Variants in EXT1 observed in about 807,000 individuals in gnomAD.
EXT1 encodes exostosin-1.
EXT1 carries 20 observed loss-of-function variants against 82.5 expected under a neutral mutation model. That is an observed-to-expected ratio of 0.24 (90% CI 0.17 to 0.35). The LOEUF (loss-of-function observed/expected upper bound fraction) is 0.35. Ranked by LOEUF, EXT1 falls within the 10% of genes least tolerant of loss-of-function variation. EXT1 has a pLI of 1.00. For missense variants in EXT1, 757 were observed against 936.5 expected (o/e 0.81, Z 2.50); for synonymous variants, 348 against 350.8 (o/e 0.99, Z 0.09).
At chr8:117,873,452 T>G (rs1263796611) in intron 1 of EXT1, among the ~76,000 whole-genome samples, 11 of 144,178 alleles carry the variant, frequency 7.6e-5, no homozygotes, top group African/African-American at 2.3e-4. Flanking sequence ...TGTGACTTTT[T>G]TTTTTTTTTT....
At chr8:117,923,920 G>A (rs186371870) in intron 1 of EXT1, among the ~76,000 whole-genome samples, 51 of 152,272 alleles carry the variant, frequency 3.3e-4, no homozygotes, top group Admixed American at 2.9e-3. Context: ...GGTCTAGTAA[G>A]AGTGAGAAGG....
intron 1 of EXT1, among the ~76,000 whole-genome samples, chr8:117,851,637 A>ACACACACG (rs1812457249): frequency 6.6e-6 from 1 of 151,870 alleles, no homozygotes; most frequent in Admixed American, 6.6e-5. Flanking sequence ...ACACACACAC[A>ACACACACG]CACACACACA....
intron 1 of EXT1, among the ~76,000 whole-genome samples, chr8:118,002,447 A>C (rs1284043276): frequency 6.7e-6 from 1 of 150,300 alleles, no homozygotes; most frequent in Non-Finnish European, 1.5e-5. Flanking sequence ...AACAAGCCCA[A>C]GCCATTAAGA....
intron 1 of EXT1, among the ~76,000 whole-genome samples, chr8:118,108,585 G>A (rs1288627709): frequency 6.6e-6 from 1 of 152,184 alleles, no homozygotes; most frequent in African/African-American, 2.4e-5. Flanking sequence ...AGGAAAATAT[G>A]GATTCATAAT....
chr8:117,807,291 C>T lies in EXT1; in HGVS notation c.1809G>A (p.Lys603=). ...PARSHFWDNS[K]ERWGYTSKWT... is the part of the protein sequence containing the mutation. ...ACTTTGATGTGTATCCCCACCGCTCCTTAGAGTTATCCCAGAAGTGGCTGC... is the reference window on the plus strand; with the variant it reads ...ACTTTGATGTGTATCCCCACCGCTCTTTAGAGTTATCCCAGAAGTGGCTGC... The change falls in exon 9 of 11, where the codon AAG becomes AAA. Residue 603 remains lysine, a synonymous_variant. Coordinates refer to ENST00000378204, the MANE Select transcript of EXT1 (RefSeq NM_000127.3). 1.9e-6 allele frequency: 3 copies of T among 1,614,190 alleles called. No individual in the cohort carries two copies. The highest frequency in any genetic ancestry group is 1.6e-4 in the Middle Eastern group (1 of 6,062).
At chr8:117,813,905 C>T (rs934389677) in intron 7 of EXT1, among the ~76,000 whole-genome samples, 4 of 151,832 alleles carry the variant, frequency 2.6e-5, no homozygotes, top group Admixed American at 2.0e-4. Context: ...ACTTGGGAGG[C>T]TGAGGCAGGA....
chr8:117,919,056 T>A (rs1334436213), intron 1 of EXT1, among the ~76,000 whole-genome samples: 1 of 152,086 alleles, frequency 6.6e-6, no homozygotes, highest in Non-Finnish European at 1.5e-5. Context: ...ACCTCTCCTG[T>A]GGAGACCTTT....
chr8:118,069,218 T>C (rs905121678), intron 1 of EXT1, among the ~76,000 whole-genome samples: 1 of 152,224 alleles, frequency 6.6e-6, no homozygotes, highest in African/African-American at 2.4e-5. Context: ...CAGTATCCTG[T>C]AGCAGAGGTT....
chr8:117,974,642 T>C (rs780394008), intron 1 of EXT1, among the ~76,000 whole-genome samples: 1 of 152,148 alleles, frequency 6.6e-6, no homozygotes, highest in Non-Finnish European at 1.5e-5. Context: ...AATTTTTGTA[T>C]TTTTTATAGA....
At chr8:117,894,531 C>T (rs1813302706) in intron 1 of EXT1, among the ~76,000 whole-genome samples, 1 of 152,190 alleles carries the variant, frequency 6.6e-6, no homozygotes, top group African/African-American at 2.4e-5. Flanking sequence ...TTACTTGTAC[C>T]TATATTCCTA....
chr8:118,063,179 G>C (rs532484495), intron 1 of EXT1, among the ~76,000 whole-genome samples: 1 of 151,858 alleles, frequency 6.6e-6, no homozygotes, highest in East Asian at 1.9e-4. Flanking sequence ...CAAAGTGGTA[G>C]AAATTAAGCA....
chr8:117,993,537 T>C (rs1188050752), intron 1 of EXT1, among the ~76,000 whole-genome samples: 10 of 152,250 alleles, frequency 6.6e-5, no homozygotes, highest in Non-Finnish European at 7.3e-5. Context: ...CTTAAGTTTA[T>C]CATCTATTGT....
chr8:118,001,080 G>A (rs1272088744), intron 1 of EXT1, among the ~76,000 whole-genome samples: 6 of 152,188 alleles, frequency 3.9e-5, no homozygotes, highest in Non-Finnish European at 7.3e-5. Flanking sequence ...TTCCTGACAG[G>A]TGAGTAACAC....
At position 117,939,869 on chromosome 8, in the gene EXT1, CACAAT is replaced by C. The variant is rs539876106; in HGVS notation, c.963-102673_963-102669del. Among the ~76,000 whole-genome samples, 19 of 152,276 alleles carry C rather than the reference CACAAT, an allele frequency of 1.2e-4. No individual in the cohort carries two copies. The East Asian group carries it at 3.1e-3, about 25-fold the overall frequency. On this transcript the variant is annotated intron_variant, in intron 1 of 10. Transcript: ENST00000378204. Reference sequence around the variant, plus strand: ...TATTCACTTTTGCCCTCACCCAGCACACAATAAATAGAAAAGAAGAAACAGAAGAT... The same window carrying C: ...TATTCACTTTTGCCCTCACCCAGCACAAATAGAAAAGAAGAAACAGAAGAT...
intron 1 of EXT1, among the ~76,000 whole-genome samples, chr8:117,845,559 A>G (rs1328685145): frequency 1.3e-5 from 1 of 78,930 alleles, no homozygotes; most frequent in Non-Finnish European, 3.3e-5. Context: ...AAGTAAGTAA[A>G]AAAAAAAAAT....
At chr8:117,951,037 T>C (rs984127591) in intron 1 of EXT1, among the ~76,000 whole-genome samples, 2 of 152,212 alleles carry the variant, frequency 1.3e-5, no homozygotes, top group African/African-American at 2.4e-5. Context: ...GAAATAATAA[T>C]ATGAATACAC....
intron 1 of EXT1, among the ~76,000 whole-genome samples, chr8:117,980,878 G>A (rs1293372669): frequency 4.6e-5 from 7 of 152,220 alleles, no homozygotes; most frequent in Admixed American, 1.3e-4. Flanking sequence ...ACACACTCCC[G>A]CTGCGAGGGC....
At position 118,059,821 on chromosome 8, in the gene EXT1, T is replaced by G. The variant is rs1816855073; in HGVS notation, c.962+50264A>C. Among the ~76,000 whole-genome samples, 4 of 152,256 alleles carry G rather than the reference T, an allele frequency of 2.6e-5. No individual in the cohort carries two copies. The South Asian group carries it at 8.3e-4, about 31-fold the overall frequency. On this transcript the variant is annotated intron_variant, in intron 1 of 10. Coordinates refer to ENST00000378204, the MANE Select transcript of EXT1 (RefSeq NM_000127.3). ...CTCACCATGTTTGTGTTTCTTTGAC[T>G]GACAGCTGGTTGATAAATAGGATAA...
intron 1 of EXT1, among the ~76,000 whole-genome samples, chr8:117,900,592 C>A (rs907556060): frequency 2.6e-5 from 4 of 152,194 alleles, no homozygotes; most frequent in South Asian, 2.1e-4. Context: ...CCCTCACTGA[C>A]AAACGGGCTA....
Sources: allele counts gnomAD v4.1 joint callset (sites outside exome capture counted in the v4.1 genomes callset), GRCh38; gene constraint gnomAD v4.1.1; transcripts MANE v1.5; gene names NCBI Gene and HGNC (gene_info 2026-07-23, HGNC 2026-07-21).